Variants in NRXN3 observed in about 807,000 individuals in gnomAD.
The protein encoded by NRXN3 is neurexin III.
NRXN3 carries 32 observed loss-of-function variants against 137.6 expected under a neutral mutation model. The observed-to-expected ratio is 0.23, with a 90% CI of 0.18 to 0.31. The LOEUF (loss-of-function observed/expected upper bound fraction) is 0.31, where lower values mean the gene tolerates loss of function less well. Among genes scored for constraint, NRXN3 ranks in the 10% least tolerant of loss-of-function variants. The pLI, the probability that NRXN3 is intolerant of heterozygous loss-of-function variation, is 1.00. For synonymous variants in NRXN3, 798 were observed against 784.5 expected (o/e 1.02, Z -0.29); for missense variants, 1,574 against 2,062.5 (o/e 0.76, Z 4.59).
At chr14:78,423,292 C>T (rs187866971) in intron 4 of NRXN3, among the ~76,000 whole-genome samples, 51 of 152,232 alleles carry the variant, frequency 3.4e-4, no homozygotes, top group Middle Eastern at 3.4e-3. Context: ...TACATTCAGA[C>T]GCCAAAACTT....
At position 78,622,157 on chromosome 14, in the gene NRXN3, A is replaced by C. The variant is rs1327458705; in HGVS notation, c.758-22963A>C. ...TACTACAGAGTGAGTGATAACTTGG[A>C]GAATATTGTCCCCCTGCTCCCCACC... On this transcript the variant is annotated intron_variant, in intron 4 of 20. Transcript: ENST00000335750. Among the ~76,000 whole-genome samples, 5 of 152,300 alleles carry C rather than the reference A, an allele frequency of 3.3e-5. No individual in the cohort carries two copies. The East Asian group carries it at 9.6e-4, about 29-fold the overall frequency.
intron 10 of NRXN3, among the ~76,000 whole-genome samples, chr14:78,872,688 G>C (rs964613042): frequency 6.6e-6 from 1 of 152,056 alleles, no homozygotes; most frequent in African/African-American, 2.4e-5. Flanking sequence ...ATTTTATTAA[G>C]AGACCACCCT....
chr14:79,093,699 G>A (rs967653967), intron 15 of NRXN3, among the ~76,000 whole-genome samples: 6 of 152,126 alleles, frequency 3.9e-5, no homozygotes, highest in Non-Finnish European at 8.8e-5. Flanking sequence ...AAAGCACTTG[G>A]TGCAGAGGTT....
At chr14:79,182,058 T>A (rs1021431533) in intron 15 of NRXN3, among the ~76,000 whole-genome samples, 3 of 152,180 alleles carry the variant, frequency 2.0e-5, no homozygotes, top group African/African-American at 7.2e-5. Context: ...CTCCTAGTTA[T>A]AATCATGGTC....
intron 4 of NRXN3, among the ~76,000 whole-genome samples, chr14:78,390,873 T>C (rs1318956912): frequency 6.6e-6 from 1 of 152,184 alleles, no homozygotes; most frequent in Non-Finnish European, 1.5e-5. Context: ...GCTGCACCTA[T>C]CAACCCATCA....
At chr14:78,471,484 C>T (rs578244598) in intron 4 of NRXN3, among the ~76,000 whole-genome samples, 1 of 152,258 alleles carries the variant, frequency 6.6e-6, no homozygotes, top group Non-Finnish European at 1.5e-5. Flanking sequence ...CCTATTGTGG[C>T]CAAAGGAAGG....
intron 1 of NRXN3, among the ~76,000 whole-genome samples, chr14:78,213,579 G>C (rs1339198227): frequency 1.3e-5 from 2 of 152,194 alleles, no homozygotes; most frequent in African/African-American, 4.8e-5. Flanking sequence ...GAATTGGATG[G>C]GAATGGATTG....
At chr14:79,225,062 G>A (rs2070578366) in intron 15 of NRXN3, among the ~76,000 whole-genome samples, 1 of 152,190 alleles carries the variant, frequency 6.6e-6, no homozygotes, top group Non-Finnish European at 1.5e-5. Context: ...GGTCACCAAA[G>A]TGGAGTGGCC....
chr14:79,173,900 C>CA (rs1173568304), intron 15 of NRXN3, among the ~76,000 whole-genome samples: 2 of 152,000 alleles, frequency 1.3e-5, no homozygotes, highest in Non-Finnish European at 2.9e-5. Context: ...AAGGTGAAAG[C>CA]AAAAAATGTA....
chr14:79,545,259 G>A (rs1322072655), intron 16 of NRXN3, among the ~76,000 whole-genome samples: 1 of 152,184 alleles, frequency 6.6e-6, no homozygotes, highest in East Asian at 1.9e-4. Flanking sequence ...AAATCAAGGT[G>A]TCAGAATTAG....
At chr14:78,767,521 C>A (rs2098712908) in intron 8 of NRXN3, among the ~76,000 whole-genome samples, 1 of 152,168 alleles carries the variant, frequency 6.6e-6, no homozygotes, top group African/African-American at 2.4e-5. Context: ...TGTCAACGTG[C>A]AATACCCCTG....
At chr14:79,319,842 T>A (rs76816606) in intron 15 of NRXN3, among the ~76,000 whole-genome samples, 166 of 152,272 alleles carry the variant, frequency 1.1e-3, no homozygotes, top group African/African-American at 3.8e-3. Flanking sequence ...GCTCTGTTAA[T>A]GGGTGTCCTT....
At chr14:79,551,667 C>G (rs991246893) in intron 16 of NRXN3, among the ~76,000 whole-genome samples, 3 of 152,140 alleles carry the variant, frequency 2.0e-5, no homozygotes, top group Non-Finnish European at 4.4e-5. Flanking sequence ...GTGTTTAGCT[C>G]AAGCCCCAGG....
chr14:79,144,527 T>C (rs1463696889), intron 15 of NRXN3, among the ~76,000 whole-genome samples: 1 of 152,182 alleles, frequency 6.6e-6, no homozygotes, highest in African/African-American at 2.4e-5. Flanking sequence ...CATCATGCTC[T>C]GAACCATCAT....
rs546696897 is a variant in NRXN3 at position 78,631,800 on chromosome 14, A to AAGG, written c.758-13317_758-13315dup. Among the ~76,000 whole-genome samples, 9 of 152,254 alleles carry AAGG rather than the reference A, an allele frequency of 5.9e-5. No individual in the cohort carries two copies. The South Asian group carries it at 1.9e-3, about 32-fold the overall frequency. On this transcript the variant is annotated intron_variant, in intron 4 of 20. Coordinates refer to ENST00000335750, the MANE Select transcript of NRXN3 (RefSeq NM_001330195.2). ...GTGTTGCAGCATCTGTAAATGGTTAAAGGAGCATTAGACTCAATGTATCAG... is the reference window on the plus strand; with the variant it reads ...GTGTTGCAGCATCTGTAAATGGTTAAAGGAGGAGCATTAGACTCAATGTATCAG...
At position 79,688,680 on chromosome 14, in the gene NRXN3, G is replaced by A. The variant is rs185011717; in HGVS notation, c.3617-3493G>A. ...GAAAATGTGAGGTTGGAGTGTAAAG[G>A]TTGGAACTATGAACCAGTTGGGCTT... On this transcript the variant is annotated intron_variant, in intron 17 of 20. Transcript: ENST00000335750. 4.9e-4 allele frequency among the ~76,000 whole-genome samples: 74 copies of A among 152,220 alleles called. 1 individual carries two copies. Among genetic ancestry groups the A allele is most frequent in the Non-Finnish European group, 9.3e-4 (63 of 67,982 alleles).
intron 1 of NRXN3, among the ~76,000 whole-genome samples, chr14:78,238,764 C>A (rs2066682748): frequency 6.6e-6 from 1 of 152,138 alleles, no homozygotes; most frequent in Admixed American, 6.5e-5. Context: ...CCTTTTTGAT[C>A]CCCCACAATG....
Position 78,645,159 on chromosome 14 carries a change from A to T in NRXN3, c.797A>T (p.Tyr266Phe), listed in dbSNP as rs2097674720. ...ENVATFRGSE[Y>F]LCYDLSQNPI... ...GTGGCCACTTTCCGAGGCTCAGAGTATCTGTGCTACGACCTGTCTCAGAAC... is the reference window on the plus strand; with the variant it reads ...GTGGCCACTTTCCGAGGCTCAGAGTTTCTGTGCTACGACCTGTCTCAGAAC... The change falls in exon 5 of 21, where the codon TAT becomes TTT. Residue 266 changes from tyrosine (Y) to phenylalanine (F), a missense_variant. By Grantham distance (22) the Tyr-to-Phe change is conservative. Coordinates refer to ENST00000335750, the MANE Select transcript of NRXN3 (RefSeq NM_001330195.2). 6.3e-7 allele frequency: 1 copy of T among 1,585,562 alleles called. No individual in the cohort carries two copies. The highest frequency in any genetic ancestry group is 8.5e-7 in the Non-Finnish European group (1 of 1,173,196).
chr14:79,257,454 G>A (rs892706950), intron 15 of NRXN3, among the ~76,000 whole-genome samples: 1 of 46,858 alleles, frequency 2.1e-5, no homozygotes, highest in Non-Finnish European at 4.3e-5. Context: ...AGTGATGGTG[G>A]TGGTGGTGGT....
Sources: gnomAD v4.1 joint callset for allele counts (sites outside exome capture counted in the v4.1 genomes callset) on GRCh38, gnomAD v4.1.1 for gene constraint, MANE v1.5 for transcripts, NCBI Gene and HGNC (gene_info 2026-07-23, HGNC 2026-07-21) for gene names.